The following CEP85L variants were observed in gnomAD, a reference collection of about 807,000 sequenced individuals.
CEP85L encodes the protein centrosomal protein 85L.
Under a neutral mutation model 100.3 loss-of-function variants are expected in CEP85L, and 60 were observed. That is an observed-to-expected ratio of 0.60 (90% CI 0.49 to 0.74). The LOEUF is 0.74. Among genes scored for constraint, CEP85L ranks in the 30% least tolerant of loss-of-function variants. The pLI, the probability that CEP85L is intolerant of heterozygous loss-of-function variation, is 0.00. For synonymous variants in CEP85L, 319 were observed against 322.7 expected (o/e 0.99, Z 0.12); for missense variants, 973 against 936.2 (o/e 1.04, Z -0.51).
At chr6:118,605,254 C>T (rs1422445608) in intron 2 of CEP85L, among the ~76,000 whole-genome samples, 1 of 152,188 alleles carries the variant, frequency 6.6e-6, no homozygotes, top group East Asian at 1.9e-4. Flanking sequence ...TGCTTCTACT[C>T]TGCATTTCAC....
intron 3 of CEP85L, chr6:118,559,389 G>T: frequency 2.7e-6 from 1 of 370,162 alleles, no homozygotes; most frequent in Non-Finnish European, 5.3e-6. Context: ...GAAGAGTTTA[G>T]TTTTAAAACT....
At chr6:118,635,061 G>A (rs1476490849) in intron 1 of CEP85L, among the ~76,000 whole-genome samples, 1 of 152,108 alleles carries the variant, frequency 6.6e-6, no homozygotes, top group African/African-American at 2.4e-5. Context: ...TTGCAAATTG[G>A]TACAACCTTT....
chr6:118,639,294 A>G (rs1774712139), intron 1 of CEP85L, among the ~76,000 whole-genome samples: 1 of 152,186 alleles, frequency 6.6e-6, no homozygotes, highest in East Asian at 1.9e-4. Flanking sequence ...CTACTCTACT[A>G]TCTTCTAGAA....
At chr6:118,700,719 C>T (rs115435352) in intron 1 of CEP85L, among the ~76,000 whole-genome samples, 5,498 of 152,228 alleles carry the variant, frequency 0.036, 165 homozygotes, top group Middle Eastern at 0.11. Flanking sequence ...ACTTGCCTTG[C>T]GAAACTGTTC....
chr6:118,663,323 T>C (rs1286776512), intron 1 of CEP85L, among the ~76,000 whole-genome samples: 1 of 152,208 alleles, frequency 6.6e-6, no homozygotes, highest in African/African-American at 2.4e-5. Context: ...AAAAACTGTA[T>C]GCATGAAAAT....
At chr6:118,613,726 C>G (rs1772815715) in intron 2 of CEP85L, among the ~76,000 whole-genome samples, 1 of 121,800 alleles carries the variant, frequency 8.2e-6, no homozygotes, top group Non-Finnish European at 1.6e-5. Context: ...CACTGCACTC[C>G]AGCCTGGGCA....
At chr6:118,702,553 TTGAAA>T (rs1317667755) in intron 1 of CEP85L, among the ~76,000 whole-genome samples, 2 of 152,166 alleles carry the variant, frequency 1.3e-5, no homozygotes, top group African/African-American at 2.4e-5. Flanking sequence ...TACAAACTAG[TTGAAA>T]TGAAATAAGT....
At chr6:118,506,912 C>T (rs145951177) in intron 5 of CEP85L, among the ~76,000 whole-genome samples, 16 of 152,264 alleles carry the variant, frequency 1.1e-4, no homozygotes, top group African/African-American at 3.9e-4. Flanking sequence ...CCTCAGGCTC[C>T]TTCACAAGTT....
chr6:118,708,828 G>A, intron 1 of CEP85L, among the ~76,000 whole-genome samples: 1 of 152,000 alleles, frequency 6.6e-6, no homozygotes, highest in South Asian at 2.1e-4. Context: ...TGGTCAAATA[G>A]GGGTTCTAAA....
chr6:118,705,566 G>A (rs955917842), intron 1 of CEP85L, among the ~76,000 whole-genome samples: 1 of 152,246 alleles, frequency 6.6e-6, no homozygotes. Flanking sequence ...TTGTTGAGTT[G>A]TGAGGAAGCT....
chr6:118,502,470 CTT>C (rs2114671064), intron 5 of CEP85L: 1 of 523,792 alleles, frequency 1.9e-6, no homozygotes, highest in East Asian at 4.8e-5. Context: ...TACTAGGACA[CTT>C]GACACAGCAA....
At chr6:118,585,104 T>C (rs1780783374) in intron 2 of CEP85L, among the ~76,000 whole-genome samples, 1 of 152,212 alleles carries the variant, frequency 6.6e-6, no homozygotes, top group Non-Finnish European at 1.5e-5. Flanking sequence ...TACACAGTAG[T>C]CACTCTACAT....
intron 2 of CEP85L, among the ~76,000 whole-genome samples, chr6:118,592,185 C>T (rs1245325975): frequency 6.6e-6 from 1 of 152,084 alleles, no homozygotes; most frequent in East Asian, 1.9e-4. Flanking sequence ...GGCTTTTCTC[C>T]CTTTGGATTC....
At chr6:118,652,399 C>T (rs919498380), upstream of CEP85L, 2 of 1,090,074 alleles carry the variant, frequency 1.8e-6, no homozygotes, top group South Asian at 2.6e-5. Context: ...ATTTTTAAAT[C>T]TTACTTCTCA....
intron 1 of CEP85L, among the ~76,000 whole-genome samples, chr6:118,681,395 A>G (rs2115448918): frequency 6.6e-6 from 1 of 152,316 alleles, no homozygotes; most frequent in South Asian, 2.1e-4. Context: ...AGATGTAATT[A>G]TCCCTGATAC....
chr6:118,504,970 T>G (rs180990071), intron 5 of CEP85L, among the ~76,000 whole-genome samples: 68 of 152,262 alleles, frequency 4.5e-4, no homozygotes, highest in African/African-American at 1.6e-3. Flanking sequence ...CCTATATCAC[T>G]ACAGCGGCTT....
At chr6:118,490,673 T>C (rs1480400382) in intron 6 of CEP85L, among the ~76,000 whole-genome samples, 2 of 152,164 alleles carry the variant, frequency 1.3e-5, no homozygotes, top group Non-Finnish European at 1.5e-5. Flanking sequence ...ATTCATAATT[T>C]CTCCAAAATG....
At chr6:118,590,106 G>T (rs1405025912) in intron 2 of CEP85L, among the ~76,000 whole-genome samples, 1 of 151,662 alleles carries the variant, frequency 6.6e-6, no homozygotes, top group African/African-American at 2.4e-5. Flanking sequence ...ATCTCCATCT[G>T]CTTTTCCCCA....
intron 1 of CEP85L, among the ~76,000 whole-genome samples, chr6:118,689,125 G>A (rs1055860619): frequency 6.6e-6 from 1 of 151,914 alleles, no homozygotes; most frequent in African/African-American, 2.4e-5. Context: ...ATGTTTTCTG[G>A]GATTACCTCG....
Sources: gnomAD v4.1 joint callset for allele counts (sites outside exome capture counted in the v4.1 genomes callset) on GRCh38, gnomAD v4.1.1 for gene constraint, MANE v1.5 for transcripts, NCBI Gene and HGNC (gene_info 2026-07-23, HGNC 2026-07-21) for gene names.